The following SIDT1 variants were observed in gnomAD, a reference collection of about 807,000 sequenced individuals.
SIDT1 encodes SID1 transmembrane family, member 1.
In SIDT1, 101 loss-of-function variants were observed where a neutral mutation model predicts 107.5. The observed-to-expected ratio is 0.94, with a 90% CI of 0.80 to 1.11. SIDT1 has a LOEUF of 1.11. Among genes scored for constraint, SIDT1 ranks in the 50% least tolerant of loss-of-function variants. The pLI, the probability that SIDT1 is intolerant of heterozygous loss-of-function variation, is 0.00. For synonymous variants in SIDT1, 395 were observed against 398.2 expected (o/e 0.99, Z 0.10); for missense variants, 1,076 against 1,058.2 (o/e 1.02, Z -0.23).
At chr3:113,555,397 T>C (rs898498786) in intron 1 of SIDT1, among the ~76,000 whole-genome samples, 24 of 152,230 alleles carry the variant, frequency 1.6e-4, no homozygotes, top group African/African-American at 5.3e-4. Context: ...GTATCTCCTG[T>C]GTCCAGAACA....
intron 1 of SIDT1, among the ~76,000 whole-genome samples, chr3:113,550,347 T>C (rs1268280453): frequency 1.3e-5 from 2 of 152,210 alleles, no homozygotes; most frequent in Admixed American, 1.3e-4. Flanking sequence ...TAAATTTTGT[T>C]CTTTACGTTC....
the SIDT1 span, among the ~76,000 whole-genome samples, chr3:113,635,892 G>GAAAA: frequency 1.3e-5 from 2 of 149,970 alleles, no homozygotes; most frequent in Non-Finnish European, 3.0e-5. Context: ...AAAAAGAAAA[G>GAAAA]AAAAGAAAAA....
chr3:113,541,771 A>G (rs934066190), intron 1 of SIDT1, among the ~76,000 whole-genome samples: 1 of 151,830 alleles, frequency 6.6e-6, no homozygotes, highest in Non-Finnish European at 1.5e-5. Context: ...CTTTTTCAAT[A>G]TGTTACTCCT....
chr3:113,603,288 A>G (rs747774039), intron 12 of SIDT1, 138 bp downstream of exon 12: 42 of 872,400 alleles, frequency 4.8e-5, no homozygotes, highest in Non-Finnish European at 6.8e-5. Flanking sequence ...AATCAAATGT[A>G]CCTACAGACT....
chr3:113,599,710 G>A (rs1294767349), intron 10 of SIDT1, among the ~76,000 whole-genome samples: 1 of 152,164 alleles, frequency 6.6e-6, no homozygotes, highest in Admixed American at 6.5e-5. Flanking sequence ...ATAAGGAGTA[G>A]AACAGTGAAT....
At chr3:113,590,635 T>C (rs775108539) in intron 9 of SIDT1, among the ~76,000 whole-genome samples, 1 of 152,094 alleles carries the variant, frequency 6.6e-6, no homozygotes, top group Non-Finnish European at 1.5e-5. Context: ...GAGATCAATA[T>C]GCAAAAAATC....
In SIDT1 at chr3:113,532,925, G is replaced by T. The variant is rs1937623356; in HGVS notation, c.-97G>T. 1.2e-6 allele frequency: 1 copy of T among 838,314 alleles called. No individual in the cohort carries two copies. Among genetic ancestry groups the T allele is most frequent in the Admixed American group, 4.4e-5 (1 of 22,960 alleles). 51.9% of individuals were successfully genotyped at this position (838,314 alleles called of 1,614,324 possible). On this transcript the variant is annotated 5_prime_UTR_variant, in exon 1 of 25. Coordinates refer to ENST00000264852, the MANE Select transcript of SIDT1 (RefSeq NM_017699.3). ...GGCATCACCCGCTCGGCTCTGAAGC[G>T]GACGCCTGGCCCTGCACCGGGCTTT...
chr3:113,586,551 C>A (rs748638852), intron 9 of SIDT1, among the ~76,000 whole-genome samples: 1 of 152,046 alleles, frequency 6.6e-6, no homozygotes, highest in Non-Finnish European at 1.5e-5. Flanking sequence ...TCGATGAATG[C>A]CAAATCTAGG....
chr3:113,604,340 GC>G (rs1363050975), intron 13 of SIDT1, among the ~76,000 whole-genome samples: 1 of 152,146 alleles, frequency 6.6e-6, no homozygotes, highest in Non-Finnish European at 1.5e-5. Flanking sequence ...TTACTTGCAT[GC>G]AGATCTTAGA....
intron 10 of SIDT1, among the ~76,000 whole-genome samples, chr3:113,598,672 C>T (rs35731565): frequency 0.22 from 33,647 of 152,138 alleles, 3,800 homozygotes; most frequent in Admixed American, 0.27. Context: ...CTTTTATCAT[C>T]TTTAAAACAT....
intron 1 of SIDT1, among the ~76,000 whole-genome samples, chr3:113,534,529 A>G (rs530988987): frequency 2.0e-4 from 31 of 152,304 alleles, no homozygotes; most frequent in African/African-American, 7.0e-4. Flanking sequence ...GAGCCATTTC[A>G]TGGTAGACAA....
chr3:113,591,897 C>G (rs1307610223), intron 9 of SIDT1, among the ~76,000 whole-genome samples: 1 of 152,128 alleles, frequency 6.6e-6, no homozygotes, highest in Non-Finnish European at 1.5e-5. Flanking sequence ...ACCAAAATAT[C>G]CATTAAGTGC....
chr3:113,548,013 A>G (rs1359739803), intron 1 of SIDT1, among the ~76,000 whole-genome samples: 1 of 152,144 alleles, frequency 6.6e-6, no homozygotes, highest in Non-Finnish European at 1.5e-5. Flanking sequence ...GAGTAAAAGC[A>G]TTCCCTGGTT....
chr3:113,579,447 T>G (rs1346327898), intron 4 of SIDT1, among the ~76,000 whole-genome samples: 1 of 152,166 alleles, frequency 6.6e-6, no homozygotes, highest in Non-Finnish European at 1.5e-5. Flanking sequence ...AATTCCATGC[T>G]CCTCATCTTT....
At chr3:113,564,648 T>C (rs1485771400) in intron 1 of SIDT1, among the ~76,000 whole-genome samples, 1 of 152,150 alleles carries the variant, frequency 6.6e-6, no homozygotes, top group East Asian at 1.9e-4. Context: ...AGTTTCAGGC[T>C]TACATGAATG....
intron 14 of SIDT1, 53 bp from the exon 15 acceptor site, chr3:113,606,988 G>T: frequency 8.8e-7 from 1 of 1,132,408 alleles, no homozygotes; most frequent in East Asian, 2.3e-5. Context: ...TCCTGCTGGG[G>T]CTCAGAGGAC....
chr3:113,541,746 C>T (rs909947690), intron 1 of SIDT1, among the ~76,000 whole-genome samples: 10 of 152,046 alleles, frequency 6.6e-5, no homozygotes, highest in African/African-American at 2.4e-4. Context: ...CCTTGTCTCA[C>T]ATTTTTTTTC....
intron 4 of SIDT1, among the ~76,000 whole-genome samples, chr3:113,580,108 A>C (rs1199127416): frequency 1.3e-5 from 2 of 152,216 alleles, no homozygotes. Context: ...TTTCTTGATC[A>C]AAAGGGCAAG....
In SIDT1 at chr3:113,626,106, C is replaced by T. The variant is rs377126190; in HGVS notation, c.2312C>T (p.Thr771Ile). Residue 771 changes from threonine to isoleucine, a missense_variant, in exon 24 of 25, where the codon ACT becomes ATT. Physicochemically the swap from Thr to Ile is moderately conservative, Grantham distance 89 (BLOSUM62 -1). Coordinates refer to ENST00000264852, the MANE Select transcript of SIDT1 (RefSeq NM_017699.3). ...TCCTGCCTCACCTTCCTCCAGGGAA[C>T]TCCGGCCGAATCCCGGGAGAAGAAC... ...FFQNLSSWEG[T>I]PAESREKNRE... The T allele has an allele frequency of 5.0e-5, 80 of 1,612,920 alleles. No individual in the cohort carries two copies. Among genetic ancestry groups the T allele is most frequent in the Non-Finnish European group, 6.8e-5 (80 of 1,178,992 alleles).
Sources: allele counts gnomAD v4.1 joint callset (sites outside exome capture counted in the v4.1 genomes callset), GRCh38; gene constraint gnomAD v4.1.1; transcripts MANE v1.5; gene names NCBI Gene and HGNC (gene_info 2026-07-23, HGNC 2026-07-21).